KLRG2: variants seen among roughly 807,000 people sequenced by gnomAD.
KLRG2 encodes killer cell lectin like receptor G2.
A neutral mutation model predicts 35.4 loss-of-function variants in KLRG2; 39 were observed. The ratio of observed to expected loss-of-function variants is 1.10; its 90% CI spans 0.85 to 1.44. The LOEUF is 1.44. Among genes scored for constraint, KLRG2 ranks in the 40% most tolerant of loss-of-function variants. The pLI, the probability that KLRG2 is intolerant of heterozygous loss-of-function variation, is 0.00. For synonymous variants in KLRG2, 283 were observed against 265.8 expected, an observed-to-expected ratio of 1.06 and a Z score of -0.63; for missense variants, 632 against 570.9, an observed-to-expected ratio of 1.11 and a Z score of -1.09.
chr7:139,480,020 G>T, intron 2 of KLRG2, 126 bp downstream of exon 2: 1 of 772,530 alleles, frequency 1.3e-6, no homozygotes, highest in Non-Finnish European at 2.2e-6. Context: ...TGCTCATCAA[G>T]CACCATGTCT....
intron 3 of KLRG2, among the ~76,000 whole-genome samples, chr7:139,470,161 G>A (rs989738217): frequency 7.9e-5 from 12 of 151,676 alleles, no homozygotes; most frequent in Admixed American, 7.2e-4. Flanking sequence ...AGATTTAAGC[G>A]ATTCTCCTGC....
chr7:139,439,706 T>C, the KLRG2 span, among the ~76,000 whole-genome samples: 1 of 152,152 alleles, frequency 6.6e-6, no homozygotes, highest in Non-Finnish European at 1.5e-5. Flanking sequence ...ATGAACCTCC[T>C]GGACCCCTGC....
the KLRG2 span, among the ~76,000 whole-genome samples, chr7:139,430,235 T>A: frequency 6.6e-6 from 1 of 152,012 alleles, no homozygotes; most frequent in African/African-American, 2.4e-5. Context: ...AAACCCCATC[T>A]CTACTAAAAA....
In KLRG2 at chr7:139,483,268, C is replaced by T. The variant is rs1177894038; in HGVS notation, c.375G>A (p.Gln125=). 3.8e-6 allele frequency: 6 copies of T among 1,562,196 alleles called. No homozygotes were observed. Among genetic ancestry groups the T allele is most frequent in the Non-Finnish European group, 5.1e-6 (6 of 1,165,442 alleles). ...APSAWAPMEL[Q]VDVRVKPVGA... ...CCACGGGCTTCACGCGCACATCTAC[C>T]TGCAGCTCCATGGGCGCCCAGGCGC... Residue 125 remains glutamine (Q), a synonymous_variant, in exon 1 of 5, where the codon CAG becomes CAA. Transcript: ENST00000340940.
intron 3 of KLRG2, among the ~76,000 whole-genome samples, chr7:139,467,250 A>G (rs529416943): frequency 6.6e-6 from 1 of 151,944 alleles, no homozygotes; most frequent in Non-Finnish European, 1.5e-5. Flanking sequence ...CTTTACCACT[A>G]TTTCATTTTA....
the KLRG2 span, among the ~76,000 whole-genome samples, chr7:139,434,629 A>G: frequency 2.6e-5 from 4 of 152,214 alleles, no homozygotes; most frequent in Admixed American, 6.5e-5. Flanking sequence ...CTGAATGTCA[A>G]TTTTCTACTT....
chr7:139,467,511 G>A (rs1167079907), intron 3 of KLRG2, among the ~76,000 whole-genome samples: 2 of 152,118 alleles, frequency 1.3e-5, no homozygotes, highest in South Asian at 2.1e-4. Flanking sequence ...TTCTGCCTTG[G>A]TATGCTGTTA....
downstream of KLRG2, among the ~76,000 whole-genome samples, chr7:139,451,966 C>T (rs953403066): frequency 1.7e-5 from 2 of 117,208 alleles, no homozygotes; most frequent in Admixed American, 9.3e-5. Context: ...TTTCCATGTC[C>T]TTTTTTTTTT....
the KLRG2 span, among the ~76,000 whole-genome samples, chr7:139,435,215 C>T: frequency 1.3e-5 from 2 of 152,176 alleles, no homozygotes; most frequent in African/African-American, 2.4e-5. Flanking sequence ...TTCGGCTGGG[C>T]GCAGTGGCTC....
At chr7:139,456,272 G>A (rs1291853242) in intron 3 of KLRG2, among the ~76,000 whole-genome samples, 1 of 152,198 alleles carries the variant, frequency 6.6e-6, no homozygotes. Flanking sequence ...AACGGACACT[G>A]GGCTGACCCT....
chr7:139,467,181 T>A lies in KLRG2; in HGVS notation c.1005+12446A>T, dbSNP rs186826286. On this transcript the variant is annotated intron_variant, in intron 3 of 4. Coordinates refer to ENST00000340940, the MANE Select transcript of KLRG2 (RefSeq NM_198508.4). The stretch of plus-strand genomic sequence containing the variant: ...CCCCTAATCCCGCTCGAAGCAGCCC[T>A]GAGAAACATCGCCCATTATCTCTCC... Among the ~76,000 whole-genome samples the A allele has an allele frequency of 3.3e-3, 506 of 152,272 alleles. 4 individuals carry two copies. Among genetic ancestry groups the A allele is most frequent in the African/African-American group, 0.011 (455 of 41,552 alleles).
chr7:139,431,310 T>C, the KLRG2 span, among the ~76,000 whole-genome samples: 1 of 152,222 alleles, frequency 6.6e-6, no homozygotes, highest in East Asian at 1.9e-4. Context: ...AAATCTTCCA[T>C]ATTTTGATTG....
At chr7:139,447,662 C>T in the KLRG2 span, among the ~76,000 whole-genome samples, 1 of 152,012 alleles carries the variant, frequency 6.6e-6, no homozygotes, top group Admixed American at 6.6e-5. Flanking sequence ...CTCGGCCTCC[C>T]AAAGTGCTGG....
intron 1 of KLRG2, among the ~76,000 whole-genome samples, chr7:139,480,596 C>T (rs1796940521): frequency 6.6e-6 from 1 of 151,322 alleles, no homozygotes; most frequent in African/African-American, 2.4e-5. Context: ...CAGGTGCGTG[C>T]CACCATGCCC....
At chr7:139,430,832 A>C in the KLRG2 span, among the ~76,000 whole-genome samples, 6 of 152,034 alleles carry the variant, frequency 3.9e-5, no homozygotes, top group Admixed American at 3.9e-4. Context: ...AACATGGTGA[A>C]ACCCTGTCTC....
At chr7:139,440,243 G>A in the KLRG2 span, among the ~76,000 whole-genome samples, 714 of 151,534 alleles carry the variant, frequency 4.7e-3, 3 homozygotes, top group African/African-American at 0.017. Flanking sequence ...CTGAGTAGCT[G>A]GAATTATAGG....
At chr7:139,462,966 C>A (rs1796591494) in intron 3 of KLRG2, among the ~76,000 whole-genome samples, 2 of 152,332 alleles carry the variant, frequency 1.3e-5, no homozygotes, top group South Asian at 4.1e-4. Context: ...TCTTCCTCAG[C>A]CTCCGCTCCC....
Position 139,479,684 on chromosome 7 carries a change from G to A in KLRG2, c.948C>T (p.Ala316=), listed in dbSNP as rs1177745269. The A allele has an allele frequency of 6.2e-7, 1 of 1,613,944 alleles. No homozygotes were observed. Among genetic ancestry groups the A allele is most frequent in the Non-Finnish European group, 8.5e-7 (1 of 1,179,980 alleles). The stretch of plus-strand genomic sequence containing the variant: ...GGTAGGCTGAGCAGAAAGCCTGGCT[G>A]GCTTCCCAGGCCTGCGCTTCTGCAG... The part of the protein sequence containing the change: ...YFSAEAQAWE[A]SQAFCSAYHA... The change falls in exon 3 of 5, where the codon GCC becomes GCT. Residue 316 remains alanine, a synonymous_variant. Transcript: ENST00000340940.
chr7:139,477,152 A>C (rs1006928881), intron 3 of KLRG2, among the ~76,000 whole-genome samples: 8 of 152,188 alleles, frequency 5.3e-5, no homozygotes, highest in African/African-American at 1.9e-4. Context: ...GCCCCTATGG[A>C]AAACAGTATG....
Sources: gnomAD v4.1 joint callset for allele counts (sites outside exome capture counted in the v4.1 genomes callset) on GRCh38, gnomAD v4.1.1 for gene constraint, MANE v1.5 for transcripts, NCBI Gene and HGNC (gene_info 2026-07-23, HGNC 2026-07-21) for gene names.